The following CFAP77 variants were observed in gnomAD, a reference collection of about 807,000 sequenced individuals.
CFAP77 encodes the protein cilia- and flagella-associated protein 77.
Under a neutral mutation model 31.1 loss-of-function variants are expected in CFAP77, and 25 were observed. That is an observed-to-expected ratio of 0.80 (90% CI 0.59 to 1.12). The LOEUF is 1.12. Among genes scored for constraint, CFAP77 ranks in the 50% most tolerant of loss-of-function variants. The probability of loss-of-function intolerance (pLI) is 0.00; values close to 1 mark genes in which losing one functional copy is unlikely to be tolerated. For missense variants in CFAP77, 377 were observed against 397.3 expected, an observed-to-expected ratio of 0.95 and a Z score of 0.44; for synonymous variants, 151 against 159.9, an observed-to-expected ratio of 0.94 and a Z score of 0.42.
intron 3 of CFAP77, among the ~76,000 whole-genome samples, chr9:132,533,133 A>G (rs1435578488): frequency 2.0e-5 from 3 of 152,200 alleles, no homozygotes; most frequent in Non-Finnish European, 2.9e-5. Flanking sequence ...TAGGCGCCCT[A>G]CGTGACTGAA....
At chr9:132,504,074 C>T (rs919132841) in intron 3 of CFAP77, among the ~76,000 whole-genome samples, 1 of 152,148 alleles carries the variant, frequency 6.6e-6, no homozygotes, top group Non-Finnish European at 1.5e-5. Context: ...ACACAAAGGA[C>T]ACTTGTGATC....
rs1396934183 is a variant in CFAP77 at position 132,552,158 on chromosome 9, C to T, written c.732+9111C>T. Among the ~76,000 whole-genome samples, 1 of 152,238 alleles carries T rather than the reference C, an allele frequency of 6.6e-6. No individual in the cohort carries two copies. Among genetic ancestry groups the T allele is most frequent in the Non-Finnish European group, 1.5e-5 (1 of 68,048 alleles). On this transcript the variant is annotated intron_variant, in intron 5 of 5. Coordinates refer to ENST00000393216, the MANE Select transcript of CFAP77 (RefSeq NM_001282957.2). This position sits in a 1 kb window ranked among gnomAD's most constrained non-coding sequence, Gnocchi z 5.5. ...TCTGTCTGTGGGCTGGGCAGCCATG[C>T]AGAGTGGCTCCAGGTCCCAGCCTGC...
In CFAP77 at chr9:132,472,200, C is replaced by A. The variant is rs11243786; in HGVS notation, c.196-26495C>A. On this transcript the variant is annotated intron_variant, in intron 1 of 5. Coordinates refer to ENST00000393216, the MANE Select transcript of CFAP77 (RefSeq NM_001282957.2). ...GTGTCTCTCACTTCAATATTCCCAG[C>A]ACTGGGCACAGTCTCTGGCACACAT... is the stretch of plus-strand genomic sequence containing the variant. Among the ~76,000 whole-genome samples, 4,111 of 152,254 alleles carry A rather than the reference C, an allele frequency of 0.027. 463 individuals carry two copies. In the East Asian group the frequency reaches 0.38, roughly 14 times the overall value.
chr9:132,500,365 G>A (rs772162121), intron 3 of CFAP77, among the ~76,000 whole-genome samples: 3 of 152,148 alleles, frequency 2.0e-5, no homozygotes, highest in Admixed American at 6.5e-5. Context: ...CTGTTTCACC[G>A]TATGCCGAGG....
chr9:132,537,211 G>T (rs952317581), intron 3 of CFAP77, among the ~76,000 whole-genome samples: 2 of 152,078 alleles, frequency 1.3e-5, no homozygotes, highest in Non-Finnish European at 2.9e-5. Context: ...AGATATCAGG[G>T]GTGCAGGTGA....
intron 5 of CFAP77, among the ~76,000 whole-genome samples, chr9:132,568,898 C>T (rs991634273): frequency 6.6e-6 from 1 of 152,226 alleles, no homozygotes; most frequent in African/African-American, 2.4e-5. Flanking sequence ...CAGGGTTTCA[C>T]CATGCTGCCT....
At chr9:132,559,346 C>CAAAAAAAAAAAAAACAAAAAAAAAAAA (rs1852958589) in intron 5 of CFAP77, among the ~76,000 whole-genome samples, 1 of 56,082 alleles carries the variant, frequency 1.8e-5, no homozygotes, top group Non-Finnish European at 3.2e-5. Context: ...CTCTGTCTTG[C>CAAAAAAAAAAAAAACAAAAAAAAAAAA]AAAAAAAAAA....
intron 1 of CFAP77, among the ~76,000 whole-genome samples, chr9:132,419,123 C>A (rs1265061407): frequency 6.6e-6 from 1 of 152,026 alleles, no homozygotes; most frequent in Admixed American, 6.6e-5. Context: ...GAATGGCCAC[C>A]AAAAGGATTG....
chr9:132,434,908 G>A (rs1164071543), intron 1 of CFAP77, among the ~76,000 whole-genome samples: 3 of 152,118 alleles, frequency 2.0e-5, no homozygotes, highest in Admixed American at 6.6e-5. Context: ...GCACAAAAGC[G>A]AAAAGGAAGG....
chr9:132,524,545 G>A lies in CFAP77; in HGVS notation c.525-13056G>A, dbSNP rs556673943. 4.6e-5 allele frequency among the ~76,000 whole-genome samples: 7 copies of A among 152,062 alleles called. No individual in the cohort carries two copies. In the East Asian group the frequency reaches 1.4e-3, roughly 30 times the overall value. On this transcript the variant is annotated intron_variant, in intron 3 of 5. Coordinates refer to ENST00000393216, the MANE Select transcript of CFAP77 (RefSeq NM_001282957.2). Reference sequence around the variant, plus strand: ...GGAGAATCACTTGAACCTGGGAGGCGGAGGTTTCAGTGAGCAGGAATTGTG... The same window carrying A: ...GGAGAATCACTTGAACCTGGGAGGCAGAGGTTTCAGTGAGCAGGAATTGTG...
intron 5 of CFAP77, among the ~76,000 whole-genome samples, chr9:132,553,753 A>G (rs543965475): frequency 8.0e-4 from 122 of 152,380 alleles, no homozygotes; most frequent in Middle Eastern, 3.4e-3. Context: ...CACGGTCTCC[A>G]CCAGTCCATG....
intron 1 of CFAP77, among the ~76,000 whole-genome samples, chr9:132,445,905 CAAAAT>C (rs944431215): frequency 1.3e-4 from 20 of 149,806 alleles, no homozygotes; most frequent in Non-Finnish European, 2.5e-4. Context: ...AAAAGAAAAA[CAAAAT>C]AAATAAGAGA....
intron 1 of CFAP77, among the ~76,000 whole-genome samples, chr9:132,445,606 G>A (rs1364621482): frequency 6.6e-6 from 1 of 152,048 alleles, no homozygotes; most frequent in Non-Finnish European, 1.5e-5. Flanking sequence ...GGTGGCTCAC[G>A]CCTGTAATCC....
chr9:132,493,999 C>A (rs541487971), intron 1 of CFAP77, among the ~76,000 whole-genome samples: 1 of 152,074 alleles, frequency 6.6e-6, no homozygotes, highest in African/African-American at 2.4e-5. Flanking sequence ...GCAGCCTCCA[C>A]CTCCCGGGTT....
chr9:132,531,626 G>GGCGC (rs1554748483), intron 3 of CFAP77, among the ~76,000 whole-genome samples: 2 of 98,054 alleles, frequency 2.0e-5, no homozygotes, highest in African/African-American at 1.2e-4. Flanking sequence ...GCTAAGACAT[G>GGCGC]GGGGGGGGGG....
rs1176907724 is a variant in CFAP77, at chr9:132,565,221, C to T, written c.733-7167C>T. ...GCTCGCTTTCATTTCCTGGAATTCA[C>T]CCCCATTCCTCCTTTGCCCCTTCCT... On this transcript the variant is annotated intron_variant, in intron 5 of 5. Coordinates refer to ENST00000393216, the MANE Select transcript of CFAP77 (RefSeq NM_001282957.2). This position sits in a 1 kb window ranked among gnomAD's most constrained non-coding sequence, Gnocchi z 4.1. Among the ~76,000 whole-genome samples, 1 of 151,734 alleles carries T rather than the reference C, an allele frequency of 6.6e-6. No individual in the cohort carries two copies. The highest frequency in any genetic ancestry group is 2.4e-5 in the African/African-American group (1 of 41,280).
At chr9:132,533,134 C>A (rs1278458433) in intron 3 of CFAP77, among the ~76,000 whole-genome samples, 2 of 152,200 alleles carry the variant, frequency 1.3e-5, no homozygotes, top group African/African-American at 4.8e-5. Context: ...AGGCGCCCTA[C>A]GTGACTGAAT....
At chr9:132,543,324 C>T (rs932014966) in intron 5 of CFAP77, among the ~76,000 whole-genome samples, 9 of 152,258 alleles carry the variant, frequency 5.9e-5, no homozygotes, top group Admixed American at 3.9e-4. Context: ...GTGGCAGAGT[C>T]TTGGGCTGAA....
At chr9:132,465,080 AAAAAAAAAAAAAAG>A (rs1239156208) in intron 1 of CFAP77, among the ~76,000 whole-genome samples, 2,347 of 113,610 alleles carry the variant, frequency 0.021, 68 homozygotes, top group African/African-American at 0.076. Context: ...TCTCAAAAAA[AAAAAAAAAAAAAAG>A]AAAAAAAGAA....
Sources: allele counts gnomAD v4.1 joint callset (sites outside exome capture counted in the v4.1 genomes callset), GRCh38; gene constraint gnomAD v4.1.1; non-coding constraint Gnocchi (gnomAD v3.1); transcripts MANE v1.5; gene names NCBI Gene and HGNC (gene_info 2026-07-23, HGNC 2026-07-21).